CCDC198: variants seen among roughly 807,000 people sequenced by gnomAD.
CCDC198 encodes factor associated with metabolism and energy.
Under a neutral mutation model 35.6 loss-of-function variants are expected in CCDC198, and 18 were observed. The ratio of observed to expected loss-of-function variants is 0.51; its 90% CI spans 0.35 to 0.75. The LOEUF (loss-of-function observed/expected upper bound fraction) is 0.75, where lower values mean the gene tolerates loss of function less well. Ranked by LOEUF, CCDC198 falls within the 30% of genes least tolerant of loss-of-function variation. CCDC198 has a pLI of 0.01. For synonymous variants in CCDC198, 119 were observed against 113.4 expected, an observed-to-expected ratio of 1.05 and a Z score of -0.31; for missense variants, 365 against 343.7, an observed-to-expected ratio of 1.06 and a Z score of -0.49.
At chr14:57,490,662 T>C (rs905808648) in intron 2 of CCDC198, among the ~76,000 whole-genome samples, 2 of 152,132 alleles carry the variant, frequency 1.3e-5, no homozygotes, top group Non-Finnish European at 2.9e-5. Flanking sequence ...TAGGGTGTAA[T>C]TAAATAGTAG....
intron 4 of CCDC198, 67 bp from the exon 5 acceptor site, chr14:57,480,821 G>A: frequency 6.5e-7 from 1 of 1,532,172 alleles, no homozygotes; most frequent in African/African-American, 1.4e-5. Flanking sequence ...TAGATCAACA[G>A]ATCAGCCACT....
intron 5 of CCDC198, among the ~76,000 whole-genome samples, chr14:57,477,385 T>C (rs2139483393): frequency 6.6e-6 from 1 of 152,328 alleles, no homozygotes; most frequent in East Asian, 1.9e-4. Context: ...TCTAAAAGTC[T>C]AGTTAATTAT....
chr14:57,483,936 G>A lies in CCDC198; in HGVS notation c.307-785C>T, dbSNP rs143439954. 2.8e-4 allele frequency among the ~76,000 whole-genome samples: 43 copies of A among 152,350 alleles called. No homozygotes were observed. The East Asian group carries it at 4.6e-3, about 16-fold the overall frequency. ...CATGGGGATGCAACGGTCACCAAAAGTGGATGTGGCCCCTCATGGAGCTTA... is the reference window on the plus strand; with the variant it reads ...CATGGGGATGCAACGGTCACCAAAAATGGATGTGGCCCCTCATGGAGCTTA... On this transcript the variant is annotated intron_variant, in intron 2 of 5. Coordinates refer to ENST00000216445, the MANE Select transcript of CCDC198 (RefSeq NM_018168.4).
intron 5 of CCDC198, chr14:57,478,392 G>A: frequency 1.1e-6 from 1 of 873,860 alleles, no homozygotes. Context: ...TAGGTTGTGT[G>A]AGAATTAAAA....
intron 5 of CCDC198, chr14:57,475,766 A>ACATTTGTAC (rs1460638627): frequency 5.1e-5 from 18 of 352,292 alleles, no homozygotes; most frequent in Non-Finnish European, 8.5e-5. Context: ...ATATTCCCAT[A>ACATTTGTAC]CATTTGTACG....
chr14:57,483,132 A>C lies in CCDC198; in HGVS notation c.326T>G (p.Leu109Trp). 2 of 1,614,072 alleles carry C rather than the reference A, an allele frequency of 1.2e-6. No homozygotes were observed. Among genetic ancestry groups the C allele is most frequent in the Non-Finnish European group, 1.7e-6 (2 of 1,179,970 alleles). ...QRLQKLEPIDLPRVITSGRLL... is the reference protein window; with the variant it reads ...QRLQKLEPIDWPRVITSGRLL... Reference sequence around the variant, plus strand: ...TCTTCCTGAAGTAATTACTCGTGGCAAGTCAATGGGTTCAAGCTTCTAGAA... The same window carrying C: ...TCTTCCTGAAGTAATTACTCGTGGCCAGTCAATGGGTTCAAGCTTCTAGAA... Residue 109 changes from leucine (L) to tryptophan (W), a missense_variant, in exon 3 of 6, where the codon TTG (leucine) becomes TGG (tryptophan). By Grantham distance (61) the Leu-to-Trp change is moderately conservative. Coordinates refer to ENST00000216445, the MANE Select transcript of CCDC198 (RefSeq NM_018168.4).
intron 2 of CCDC198, among the ~76,000 whole-genome samples, chr14:57,486,563 C>T (rs959272222): frequency 2.6e-5 from 4 of 151,988 alleles, no homozygotes; most frequent in African/African-American, 9.7e-5. Flanking sequence ...ATTTTCAAAA[C>T]TCTCCCAGGG....
At chr14:57,476,761 T>C (rs765005868) in intron 5 of CCDC198, among the ~76,000 whole-genome samples, 69 of 152,110 alleles carry the variant, frequency 4.5e-4, no homozygotes, top group Non-Finnish European at 8.8e-4. Context: ...AGAGGAACCT[T>C]AATGACCAGA....
chr14:57,489,673 C>G (rs962680275), intron 2 of CCDC198, among the ~76,000 whole-genome samples: 2 of 151,950 alleles, frequency 1.3e-5, no homozygotes, highest in African/African-American at 4.8e-5. Context: ...CTCTTTTTGA[C>G]CTTGTTTGAC....
At chr14:57,491,446 A>G (rs1367740173) in intron 1 of CCDC198, among the ~76,000 whole-genome samples, 8 of 152,130 alleles carry the variant, frequency 5.3e-5, no homozygotes, top group Admixed American at 2.6e-4. Flanking sequence ...GAAATATAAG[A>G]CATCAGAAAA....
At chr14:57,483,359 G>A (rs549418483) in intron 2 of CCDC198, 58 of 613,436 alleles carry the variant, frequency 9.5e-5, no homozygotes, top group African/African-American at 9.3e-4. Context: ...CTAGTGCACT[G>A]TCGACAGTGC....
intron 2 of CCDC198, among the ~76,000 whole-genome samples, chr14:57,484,868 T>G (rs1413573948): frequency 6.6e-6 from 1 of 152,110 alleles, no homozygotes; most frequent in Non-Finnish European, 1.5e-5. Context: ...GTGTGGAAAC[T>G]AGGAAGGAAT....
At chr14:57,480,869 C>T in intron 4 of CCDC198, 115 bp from the exon 5 acceptor site, 1 of 979,714 alleles carries the variant, frequency 1.0e-6, no homozygotes, top group Non-Finnish European at 1.5e-6. Context: ...ATCTGCAGTC[C>T]TCTAACCAGA....
chr14:57,493,829 C>A lies in CCDC198; in HGVS notation c.-114G>T. 1 of 773,074 alleles carries A rather than the reference C, an allele frequency of 1.3e-6. No individual in the cohort carries two copies. Among genetic ancestry groups the A allele is most frequent in the East Asian group, 2.7e-5 (1 of 37,378 alleles). 47.9% of individuals were successfully genotyped at this position (773,074 alleles called of 1,614,324 possible). On this transcript the variant is annotated 5_prime_UTR_variant, in exon 1 of 6. It removes an upstream start codon present in the reference 5' UTR. Transcript: ENST00000216445. Reference sequence around the variant, plus strand: ...GTTTACCCTCGCTTTACAAAGCAGTCATTTCCTTCATGGCATCCTTCTAGC... The same window carrying A: ...GTTTACCCTCGCTTTACAAAGCAGTAATTTCCTTCATGGCATCCTTCTAGC...
Position 57,471,084 on chromosome 14 carries a change from A to C in CCDC198, c.*271T>G. Reference sequence around the variant, plus strand: ...ATGAAAGATTTCAAAAGGGAACAGCAGAAGAACCACCTAGCTGAACTCAGC... The same window carrying C: ...ATGAAAGATTTCAAAAGGGAACAGCCGAAGAACCACCTAGCTGAACTCAGC... On this transcript the variant is annotated 3_prime_UTR_variant, in exon 6 of 6. Transcript: ENST00000216445. 3.0e-6 allele frequency: 1 copy of C among 330,576 alleles called. No homozygotes were observed. Among genetic ancestry groups the C allele is most frequent in the South Asian group, 4.5e-5 (1 of 22,014 alleles). 20.5% of individuals were successfully genotyped at this position (330,576 alleles called of 1,614,324 possible).
Position 57,471,511 on chromosome 14 carries a change from T to C in CCDC198, c.735A>G (p.Thr245=). ...CCTGGGCCTCTTGTTCATGAAGCCA[T>C]GTTTCCATTTTGCCAATTTTCCAGG... is the stretch of plus-strand genomic sequence containing the variant. ...YCPWKIGKME[T]WLHEQEAQGQ... The change falls in exon 6 of 6, where the codon ACA becomes ACG. Residue 245 remains threonine (T), a synonymous_variant. Coordinates refer to ENST00000216445, the MANE Select transcript of CCDC198 (RefSeq NM_018168.4). 6.2e-7 allele frequency: 1 copy of C among 1,613,674 alleles called. No individual in the cohort carries two copies. Among genetic ancestry groups the C allele is most frequent in the Non-Finnish European group, 8.5e-7 (1 of 1,179,668 alleles).
At chr14:57,475,600 G>T (rs764530987) in intron 5 of CCDC198, 7 of 383,678 alleles carry the variant, frequency 1.8e-5, no homozygotes, top group Non-Finnish European at 2.5e-5. Context: ...CCAGCTACTC[G>T]GGAGGCTGAG....
intron 5 of CCDC198, 107 bp downstream of exon 5, chr14:57,480,488 C>G: frequency 2.2e-6 from 3 of 1,363,452 alleles, no homozygotes; most frequent in Non-Finnish European, 3.0e-6. Flanking sequence ...TCAGCAAGAG[C>G]TCAAAGCTGT....
At chr14:57,491,128 T>C in intron 1 of CCDC198, 57 bp from the exon 2 acceptor site, 5 of 1,540,426 alleles carry the variant, frequency 3.2e-6, no homozygotes, top group Non-Finnish European at 4.4e-6. Context: ...TACTATTAAA[T>C]CAGGCAATCA....
Sources: allele counts gnomAD v4.1 joint callset (sites outside exome capture counted in the v4.1 genomes callset), GRCh38; gene constraint gnomAD v4.1.1; transcripts MANE v1.5; gene names NCBI Gene and HGNC (gene_info 2026-07-23, HGNC 2026-07-21).